ERBB4: variants seen among roughly 807,000 people sequenced by gnomAD.
ERBB4 encodes erb-b2 receptor tyrosine kinase 4, also known as receptor tyrosine-protein kinase erbB-4.
Under a neutral mutation model 158.0 loss-of-function variants are expected in ERBB4, and 42 were observed. The ratio of observed to expected loss-of-function variants is 0.27; its 90% confidence interval spans 0.21 to 0.34. The LOEUF (loss-of-function observed/expected upper bound fraction) is 0.34, where lower values mean the gene tolerates loss of function less well. Ranked by LOEUF, ERBB4 falls within the 10% of genes least tolerant of loss-of-function variation. The probability of loss-of-function intolerance (pLI) is 1.00; values close to 1 mark genes in which losing one functional copy is unlikely to be tolerated. For missense variants in ERBB4, 1,333 were observed against 1,624.1 expected (o/e 0.82, Z 3.08); for synonymous variants, 583 against 558.7 (o/e 1.04, Z -0.61).
intron 12 of ERBB4, among the ~76,000 whole-genome samples, chr2:211,689,747 AGT>A (rs1380753606): frequency 7.8e-6 from 1 of 127,908 alleles, no homozygotes; most frequent in Non-Finnish European, 1.9e-5. Flanking sequence ...TTACTTATCA[AGT>A]ATCTCATTTT....
At chr2:211,933,826 T>C (rs746867930) in intron 3 of ERBB4, among the ~76,000 whole-genome samples, 5 of 152,150 alleles carry the variant, frequency 3.3e-5, no homozygotes, top group South Asian at 2.1e-4. Flanking sequence ...TTTGCTTTTA[T>C]AGAAGAATAG....
intron 1 of ERBB4, among the ~76,000 whole-genome samples, chr2:212,538,003 C>T (rs1260235903): frequency 6.6e-6 from 1 of 152,178 alleles, no homozygotes; most frequent in African/African-American, 2.4e-5. Context: ...CCGCTCTCCA[C>T]CGCCCTTCGG....
chr2:212,453,283 A>G (rs1481993975), intron 1 of ERBB4, among the ~76,000 whole-genome samples: 1 of 152,208 alleles, frequency 6.6e-6, no homozygotes, highest in African/African-American at 2.4e-5. Flanking sequence ...AGAAAGACCT[A>G]CATTGATTTC....
rs1289708181 is a variant in ERBB4, at chr2:211,589,031, TGTTC to T, written c.2302-26947_2302-26944del. 2.6e-5 allele frequency among the ~76,000 whole-genome samples: 4 copies of T among 152,168 alleles called. No individual in the cohort carries two copies. The East Asian group carries it at 7.7e-4, about 29-fold the overall frequency. On this transcript the variant is annotated intron_variant, in intron 19 of 27. Transcript: ENST00000342788. ...TACAAGAAGAAAATAAATATAACTG[TGTTC>T]AAATCCTGAAAATCTATAATTGCAA...
chr2:211,791,057 A>T (rs189500113), intron 3 of ERBB4, among the ~76,000 whole-genome samples: 14 of 151,990 alleles, frequency 9.2e-5, no homozygotes, highest in African/African-American at 3.4e-4. Context: ...TTTGTGAGAA[A>T]ATATACTCAG....
At chr2:212,117,062 T>C (rs1422120479) in intron 2 of ERBB4, among the ~76,000 whole-genome samples, 1 of 152,190 alleles carries the variant, frequency 6.6e-6, no homozygotes, top group Admixed American at 6.6e-5. Context: ...ATTGCATATG[T>C]ATTATCTTTA....
chr2:211,665,015 G>C (rs2071574309), intron 15 of ERBB4, among the ~76,000 whole-genome samples: 1 of 152,092 alleles, frequency 6.6e-6, no homozygotes, highest in Non-Finnish European at 1.5e-5. Flanking sequence ...TATCTTTTCT[G>C]AGATCTTGAA....
At chr2:212,184,645 T>G (rs2081965553) in intron 1 of ERBB4, among the ~76,000 whole-genome samples, 1 of 144,508 alleles carries the variant, frequency 6.9e-6, no homozygotes, top group Admixed American at 7.1e-5. Context: ...TGTGTTCGTT[T>G]GTTTTTGTTT....
At chr2:211,850,990 C>A (rs1048930134) in intron 3 of ERBB4, among the ~76,000 whole-genome samples, 1 of 151,970 alleles carries the variant, frequency 6.6e-6, no homozygotes, top group Non-Finnish European at 1.5e-5. Context: ...TGACTCTGCT[C>A]TGCCTGATAG....
chr2:212,136,868 T>A (rs1287832081), intron 1 of ERBB4, among the ~76,000 whole-genome samples: 3 of 152,294 alleles, frequency 2.0e-5, no homozygotes, highest in African/African-American at 7.2e-5. Context: ...ATGATTTACA[T>A]ATAAAGCCTA....
rs80161582 is a variant in ERBB4, at chr2:212,333,527, G to GAA, written c.82+204920_82+204921dup. ...AACCCAGTCTCTACAGAAAAAATACGAAAAAAAAAAAAAAATTAACCAGAC... is the reference window on the plus strand; with the variant it reads ...AACCCAGTCTCTACAGAAAAAATACGAAAAAAAAAAAAAAAAATTAACCAGAC... On this transcript the variant is annotated intron_variant, in intron 1 of 27. Coordinates refer to ENST00000342788, the MANE Select transcript of ERBB4 (RefSeq NM_005235.3). 5.0e-4 allele frequency among the ~76,000 whole-genome samples: 68 copies of GAA among 137,064 alleles called. 1 individual carries two copies. Among genetic ancestry groups the GAA allele is most frequent in the African/African-American group, 1.4e-3 (53 of 37,384 alleles). 89.9% of individuals were successfully genotyped at this position (137,064 alleles called of 152,430 possible).
intron 3 of ERBB4, among the ~76,000 whole-genome samples, chr2:211,802,431 T>C (rs1000348521): frequency 6.6e-6 from 1 of 152,198 alleles, no homozygotes; most frequent in Non-Finnish European, 1.5e-5. Flanking sequence ...TTTGAGAACT[T>C]AACTATTAGG....
At chr2:211,741,209 TG>T (rs2074784797) in intron 5 of ERBB4, among the ~76,000 whole-genome samples, 1 of 152,186 alleles carries the variant, frequency 6.6e-6, no homozygotes, top group African/African-American at 2.4e-5. Context: ...GCTCTTCTGC[TG>T]TGAAGACACA....
At chr2:212,103,177 G>C (rs1048339178) in intron 2 of ERBB4, among the ~76,000 whole-genome samples, 2 of 151,950 alleles carry the variant, frequency 1.3e-5, no homozygotes, top group African/African-American at 2.4e-5. Context: ...ACTTCCTCCT[G>C]CCCCAAAGAG....
intron 1 of ERBB4, among the ~76,000 whole-genome samples, chr2:212,275,577 G>T (rs2085502033): frequency 6.6e-6 from 1 of 151,730 alleles, no homozygotes; most frequent in Non-Finnish European, 1.5e-5. Context: ...CAGCCAAACT[G>T]AGCTTCATAA....
chr2:212,188,233 T>TCTCTCTCTC (rs1559691540), intron 1 of ERBB4, among the ~76,000 whole-genome samples: 2 of 16,572 alleles, frequency 1.2e-4, no homozygotes, highest in African/African-American at 2.8e-4. Context: ...TCTCTCTCTC[T>TCTCTCTCTC]CCCCCCCCCT....
chr2:211,665,588 T>A, intron 14 of ERBB4, 111 bp from the exon 15 acceptor site: 1 of 999,802 alleles, frequency 1.0e-6, no homozygotes, highest in Non-Finnish European at 1.5e-6. Context: ...AATCTTCCTC[T>A]AAGAGAATTG....
At chr2:211,488,277 C>T (rs901358417) in intron 20 of ERBB4, among the ~76,000 whole-genome samples, 5 of 152,022 alleles carry the variant, frequency 3.3e-5, no homozygotes, top group Non-Finnish European at 7.4e-5. Context: ...TCCCATGTTC[C>T]CCAGCCTTCA....
At chr2:212,094,141 G>T (rs912282773) in intron 2 of ERBB4, among the ~76,000 whole-genome samples, 1 of 151,886 alleles carries the variant, frequency 6.6e-6, no homozygotes, top group Non-Finnish European at 1.5e-5. Context: ...GGGCCTGGTG[G>T]GAGGCTTTTC....
Sources: allele counts gnomAD v4.1 joint callset (sites outside exome capture counted in the v4.1 genomes callset), GRCh38; gene constraint gnomAD v4.1.1; transcripts MANE v1.5; gene names NCBI Gene and HGNC (gene_info 2026-07-23, HGNC 2026-07-21).